Variants in HMCN1 observed in about 807,000 individuals in gnomAD.
HMCN1 encodes the protein hemicentin-1.
Under a neutral mutation model 625.9 loss-of-function variants are expected in HMCN1, and 321 were observed. The ratio of observed to expected loss-of-function variants is 0.51; its 90% CI spans 0.47 to 0.56. HMCN1 has a LOEUF of 0.56. HMCN1 is among the 20% of genes least tolerant of loss of function. HMCN1 has a pLI of 0.00. For missense variants in HMCN1, 6,588 were observed against 6,887.3 expected (o/e 0.96, Z 1.54); for synonymous variants, 2,425 against 2,417.6 (o/e 1.00, Z -0.09).
In HMCN1 at chr1:186,069,699, A is replaced by G. The variant is rs1658366010; in HGVS notation, c.7916A>G (p.Asp2639Gly). ...RTLQILNAQEDNAGRYSCVAT... is the reference protein window; with the variant it reads ...RTLQILNAQEGNAGRYSCVAT... The stretch of plus-strand genomic sequence containing the variant: ...CTGCAGATCCTCAATGCACAGGAGG[A>G]CAATGCTGGAAGATACTCTTGTGTA... Residue 2639 changes from aspartate (D) to glycine (G), a missense_variant, in exon 51 of 107, where the codon GAC (aspartate) becomes GGC (glycine). Physicochemically the swap from Asp to Gly is moderately conservative, Grantham distance 94. Coordinates refer to ENST00000271588, the MANE Select transcript of HMCN1 (RefSeq NM_031935.3). 2.5e-6 allele frequency: 4 copies of G among 1,613,258 alleles called. No individual in the cohort carries two copies. The African/African-American group carries it at 5.3e-5, about 22-fold the overall frequency.
chr1:185,793,579 G>T (rs1475518597), intron 1 of HMCN1, among the ~76,000 whole-genome samples: 1 of 152,118 alleles, frequency 6.6e-6, no homozygotes, highest in East Asian at 1.9e-4. Flanking sequence ...GGACATCTTT[G>T]GGAGGCCATT....
At chr1:186,177,789 A>G (rs1652692208) in intron 103 of HMCN1, among the ~76,000 whole-genome samples, 2 of 152,180 alleles carry the variant, frequency 1.3e-5, no homozygotes, top group Admixed American at 6.5e-5. Context: ...CCAAATGTAC[A>G]CGTATGATTG....
intron 89 of HMCN1, among the ~76,000 whole-genome samples, chr1:186,139,904 A>C (rs964176965): frequency 8.5e-5 from 13 of 152,086 alleles, no homozygotes; most frequent in African/African-American, 3.1e-4. Context: ...AGCCTAAGAC[A>C]GCCTTTCTCA....
chr1:186,129,081 C>G (rs1214313203), intron 83 of HMCN1, among the ~76,000 whole-genome samples: 1 of 151,700 alleles, frequency 6.6e-6, no homozygotes, highest in East Asian at 1.9e-4. Context: ...AAAACAGACA[C>G]TAAAAAATCT....
chr1:185,927,275 G>A (rs367944519), intron 9 of HMCN1, among the ~76,000 whole-genome samples: 5 of 152,264 alleles, frequency 3.3e-5, no homozygotes, highest in African/African-American at 1.2e-4. Flanking sequence ...CCTAGATGAT[G>A]ACATTTACAA....
At chr1:185,900,992 A>T (rs1210857963) in intron 4 of HMCN1, among the ~76,000 whole-genome samples, 1 of 151,960 alleles carries the variant, frequency 6.6e-6, no homozygotes, top group Non-Finnish European at 1.5e-5. Flanking sequence ...TTCCCATCCA[A>T]CTTCTGTCTG....
intron 82 of HMCN1, 62 bp from the exon 83 acceptor site, chr1:186,128,016 T>C: frequency 1.5e-6 from 2 of 1,364,580 alleles, no homozygotes; most frequent in Non-Finnish European, 2.1e-6. Flanking sequence ...TGCAATTTGA[T>C]GTATTTTATG....
chr1:186,184,295 G>A (rs1009071393), intron 105 of HMCN1, among the ~76,000 whole-genome samples: 1 of 152,182 alleles, frequency 6.6e-6, no homozygotes, highest in African/African-American at 2.4e-5. Flanking sequence ...GTTTTAGAAA[G>A]TGTTTGAGGC....
intron 103 of HMCN1, chr1:186,176,745 T>C (rs1422779642): frequency 6.6e-6 from 1 of 150,464 alleles, no homozygotes; most frequent in African/African-American, 2.5e-5. Context: ...TAAGGAAACA[T>C]AAAACAGAGA....
chr1:185,819,172 G>T (rs1040994365), intron 1 of HMCN1, among the ~76,000 whole-genome samples: 2 of 151,498 alleles, frequency 1.3e-5, no homozygotes, highest in African/African-American at 4.9e-5. Flanking sequence ...AGAAGGCAGA[G>T]GTTGCAGTGA....
chr1:186,111,261 G>A (rs960763061), intron 71 of HMCN1, among the ~76,000 whole-genome samples: 17 of 151,942 alleles, frequency 1.1e-4, no homozygotes, highest in Non-Finnish European at 2.4e-4. Flanking sequence ...GATTACAGGC[G>A]TGAGCCACCG....
intron 4 of HMCN1, among the ~76,000 whole-genome samples, chr1:185,882,055 C>T (rs1664342112): frequency 6.6e-6 from 1 of 152,080 alleles, no homozygotes. Flanking sequence ...GGACTAACAT[C>T]CAAATGGAAA....
At chr1:185,984,597 T>C (rs1651886602) in intron 19 of HMCN1, among the ~76,000 whole-genome samples, 1 of 152,206 alleles carries the variant, frequency 6.6e-6, no homozygotes. Context: ...AGAATTATGT[T>C]TAAAAATACA....
intron 71 of HMCN1, among the ~76,000 whole-genome samples, chr1:186,110,998 T>TTTTTTTTTTTTTTTTTTG (rs1428925478): frequency 7.4e-6 from 1 of 134,750 alleles, no homozygotes; most frequent in African/African-American, 2.8e-5. Flanking sequence ...TTTTTTTTTT[T>TTTTTTTTTTTTTTTTTTG]GAGACGGAGT....
At chr1:186,077,046 A>T (rs554172907) in intron 54 of HMCN1, among the ~76,000 whole-genome samples, 1 of 152,136 alleles carries the variant, frequency 6.6e-6, no homozygotes, top group East Asian at 1.9e-4. Flanking sequence ...TTAAATTGTT[A>T]TCTGGTTTAT....
At chr1:185,775,181 T>C (rs1223665098) in intron 1 of HMCN1, among the ~76,000 whole-genome samples, 1 of 152,188 alleles carries the variant, frequency 6.6e-6, no homozygotes, top group African/African-American at 2.4e-5. Context: ...GTCCTCTTTT[T>C]TGAGCAGTTC....
At chr1:185,807,691 G>A (rs1659257794) in intron 1 of HMCN1, among the ~76,000 whole-genome samples, 1 of 152,066 alleles carries the variant, frequency 6.6e-6, no homozygotes. Flanking sequence ...AATAAGCCTT[G>A]CATTCTTGTC....
chr1:185,918,122 G>C (rs114234843), intron 6 of HMCN1, among the ~76,000 whole-genome samples: 1 of 152,162 alleles, frequency 6.6e-6, no homozygotes, highest in Non-Finnish European at 1.5e-5. Context: ...TCAAGTCAAA[G>C]TCCCACAATA....
intron 52 of HMCN1, among the ~76,000 whole-genome samples, chr1:186,071,368 G>C (rs1658472202): frequency 6.6e-6 from 1 of 152,168 alleles, no homozygotes; most frequent in African/African-American, 2.4e-5. Context: ...TTAAATAAAA[G>C]ACAGATCCTT....
Sources: gnomAD v4.1 joint callset for allele counts (sites outside exome capture counted in the v4.1 genomes callset) on GRCh38, gnomAD v4.1.1 for gene constraint, MANE v1.5 for transcripts, NCBI Gene and HGNC (gene_info 2026-07-23, HGNC 2026-07-21) for gene names.